TBC1D22A: variants seen among roughly 807,000 people sequenced by gnomAD.
TBC1D22A encodes putative GTPase activator.
TBC1D22A carries 38 observed loss-of-function variants against 60.2 expected under a neutral mutation model. The observed-to-expected ratio is 0.63, with a 90% CI of 0.49 to 0.83. The LOEUF (loss-of-function observed/expected upper bound fraction) is 0.83. Ranked by LOEUF, TBC1D22A falls within the 40% of genes least tolerant of loss-of-function variation. The pLI is 0.00. For missense variants in TBC1D22A, 628 were observed against 701.0 expected, an observed-to-expected ratio of 0.90 and a Z score of 1.18; for synonymous variants, 302 against 281.7, an observed-to-expected ratio of 1.07 and a Z score of -0.72.
At position 47,175,221 on chromosome 22, in the gene TBC1D22A, G is replaced by A. The variant is rs1021423880; in HGVS notation, c.*1595G>A. 2 of 152,312 alleles carry A rather than the reference G, an allele frequency of 1.3e-5. No individual in the cohort carries two copies. The highest frequency in any genetic ancestry group is 6.5e-5 in the Admixed American group (1 of 15,282). 9.4% of individuals were successfully genotyped at this position (152,312 alleles called of 1,614,324 possible). On this transcript the variant is annotated 3_prime_UTR_variant, in exon 13 of 13. Coordinates refer to ENST00000337137, the MANE Select transcript of TBC1D22A (RefSeq NM_014346.5). Reference sequence around the variant, plus strand: ...GTCAGATGCTCCCAAACCAGCAAAGGGATGGGCTTGCTTCACATCAGATGC... The same window carrying A: ...GTCAGATGCTCCCAAACCAGCAAAGAGATGGGCTTGCTTCACATCAGATGC...
At chr22:46,905,104 C>T (rs2147730299) in intron 7 of TBC1D22A, among the ~76,000 whole-genome samples, 1 of 152,344 alleles carries the variant, frequency 6.6e-6, no homozygotes, top group South Asian at 2.1e-4. Flanking sequence ...CTGTGGCTTT[C>T]AGAGGGGGAC....
At chr22:47,054,632 G>A (rs2063328937) in intron 11 of TBC1D22A, among the ~76,000 whole-genome samples, 1 of 152,152 alleles carries the variant, frequency 6.6e-6, no homozygotes, top group East Asian at 1.9e-4. Context: ...TTCGAATCCT[G>A]GGCACTCATT....
chr22:47,127,334 TCTC>T (rs1378984235), intron 12 of TBC1D22A, among the ~76,000 whole-genome samples: 2 of 151,126 alleles, frequency 1.3e-5, no homozygotes, highest in African/African-American at 4.9e-5. Flanking sequence ...TTCAAGCTAT[TCTC>T]CTGCCTCAGC....
chr22:46,844,434 C>A (rs113496075), intron 4 of TBC1D22A, among the ~76,000 whole-genome samples: 1 of 152,328 alleles, frequency 6.6e-6, no homozygotes, highest in Non-Finnish European at 1.5e-5. Context: ...TCATTAAGCA[C>A]CTCCTCTGTG....
intron 8 of TBC1D22A, among the ~76,000 whole-genome samples, chr22:46,969,228 A>G (rs2073951990): frequency 6.6e-6 from 1 of 152,220 alleles, no homozygotes; most frequent in Non-Finnish European, 1.5e-5. Context: ...TTTCTGTTGC[A>G]GAAATAACTG....
At chr22:46,800,027 C>T (rs908866534) in intron 4 of TBC1D22A, among the ~76,000 whole-genome samples, 37 of 152,302 alleles carry the variant, frequency 2.4e-4, no homozygotes, top group African/African-American at 8.7e-4. Flanking sequence ...CACGGCAAGG[C>T]AGTTGTGCAC....
intron 12 of TBC1D22A, among the ~76,000 whole-genome samples, chr22:47,153,892 C>T (rs755848406): frequency 4.0e-5 from 6 of 151,540 alleles, no homozygotes; most frequent in Non-Finnish European, 7.4e-5. Context: ...CGTGTGGAGG[C>T]GGGGAGTGGA....
At chr22:47,054,025 C>T (rs1009102432) in intron 11 of TBC1D22A, among the ~76,000 whole-genome samples, 2 of 152,194 alleles carry the variant, frequency 1.3e-5, no homozygotes, top group African/African-American at 4.8e-5. Flanking sequence ...TTCGAAGGGA[C>T]AGACTCAGTG....
chr22:46,992,543 G>A (rs1436774389), intron 9 of TBC1D22A, among the ~76,000 whole-genome samples: 2 of 152,242 alleles, frequency 1.3e-5, no homozygotes, highest in Admixed American at 1.3e-4. Context: ...GCCGGGGACC[G>A]GCCTTGCAAG....
At chr22:46,952,006 G>A (rs769908140) in intron 8 of TBC1D22A, among the ~76,000 whole-genome samples, 14 of 152,188 alleles carry the variant, frequency 9.2e-5, no homozygotes, top group Non-Finnish European at 1.6e-4. Context: ...TGTTTGTTAC[G>A]AGTTTTGTAA....
chr22:47,088,598 T>A (rs559028201), intron 11 of TBC1D22A, among the ~76,000 whole-genome samples: 2 of 145,914 alleles, frequency 1.4e-5, no homozygotes, highest in Non-Finnish European at 3.0e-5. Flanking sequence ...GCTAATCAAA[T>A]TTTTTTTTTT....
At chr22:47,077,947 C>T (rs901450219) in intron 11 of TBC1D22A, among the ~76,000 whole-genome samples, 4 of 152,192 alleles carry the variant, frequency 2.6e-5, no homozygotes, top group African/African-American at 9.6e-5. Flanking sequence ...TTTTTCTGCT[C>T]TCCTAATTTG....
intron 11 of TBC1D22A, among the ~76,000 whole-genome samples, chr22:47,068,524 G>T (rs2063855925): frequency 6.6e-6 from 1 of 152,196 alleles, no homozygotes; most frequent in Admixed American, 6.5e-5. Flanking sequence ...TCTTTCTGTG[G>T]ACCTGAAATA....
intron 8 of TBC1D22A, among the ~76,000 whole-genome samples, chr22:46,926,463 A>T (rs1490294544): frequency 5.9e-5 from 9 of 152,298 alleles, no homozygotes; most frequent in South Asian, 2.1e-4. Flanking sequence ...AAACAGAGAA[A>T]CTCCTAGAAA....
rs144230848 is a variant in TBC1D22A, at chr22:47,173,599, C to G, written c.1527C>G (p.Ala509=). The stretch of plus-strand genomic sequence containing the variant: ...CCTACCGCCTCAAGTTTGCTTTTGC[C>G]GACGCCCCCAATCACTACAAGAAAT... ...AEAYRLKFAF[A]DAPNHYKK is the part of the protein sequence containing the mutation. The change falls in exon 13 of 13, where the codon GCC becomes GCG. Residue 509 remains alanine, a synonymous_variant. Transcript: ENST00000337137. 4.3e-6 allele frequency: 7 copies of G among 1,614,050 alleles called. No individual in the cohort carries two copies. The highest frequency in any genetic ancestry group is 5.9e-6 in the Non-Finnish European group (7 of 1,179,966).
intron 11 of TBC1D22A, among the ~76,000 whole-genome samples, chr22:47,081,758 C>A (rs1285115232): frequency 1.3e-5 from 2 of 152,186 alleles, no homozygotes; most frequent in African/African-American, 2.4e-5. Context: ...TACTCAAGAT[C>A]TTTACACTAA....
At chr22:46,783,584 A>T (rs918330334) in intron 1 of TBC1D22A, among the ~76,000 whole-genome samples, 1 of 102,078 alleles carries the variant, frequency 9.8e-6, no homozygotes, top group Admixed American at 1.0e-4. Context: ...CCATGTGTGC[A>T]GGAGCAGTTT....
chr22:46,917,881 C>T (rs535355589), intron 8 of TBC1D22A, among the ~76,000 whole-genome samples: 11 of 152,252 alleles, frequency 7.2e-5, no homozygotes, highest in African/African-American at 2.4e-4. Flanking sequence ...TCTCCCATGC[C>T]GGAGTCTGGG....
intron 3 of TBC1D22A, among the ~76,000 whole-genome samples, chr22:46,795,291 A>C (rs2084603115): frequency 6.6e-6 from 1 of 152,178 alleles, no homozygotes; most frequent in Non-Finnish European, 1.5e-5. Flanking sequence ...GGTGGTGCTG[A>C]CATTGAAGCT....
Sources: gnomAD v4.1 joint callset for allele counts (sites outside exome capture counted in the v4.1 genomes callset) on GRCh38, gnomAD v4.1.1 for gene constraint, MANE v1.5 for transcripts, NCBI Gene and HGNC (gene_info 2026-07-23, HGNC 2026-07-21) for gene names.